The following TMEM64 variants were observed in gnomAD, a reference collection of about 807,000 sequenced individuals.
TMEM64 encodes the protein transmembrane protein 64.
TMEM64 carries 19 observed loss-of-function variants against 24.5 expected under a neutral mutation model. The observed-to-expected ratio is 0.78, with a 90% confidence interval of 0.54 to 1.14. TMEM64 has a LOEUF of 1.14. Ranked by LOEUF, TMEM64 falls within the 50% of genes most tolerant of loss-of-function variation. TMEM64 has a pLI of 0.00. For missense variants in TMEM64, 487 were observed against 493.0 expected (o/e 0.99, Z 0.12); for synonymous variants, 262 against 224.7 (o/e 1.17, Z -1.49).
intron 1 of TMEM64, among the ~76,000 whole-genome samples, chr8:90,636,509 C>T (rs1809520768): frequency 6.6e-6 from 1 of 152,218 alleles, no homozygotes; most frequent in South Asian, 2.1e-4. Context: ...CTGCGTCGGC[C>T]TCCCAAACTG....
At chr8:90,626,369 A>C (rs1034708961) in intron 2 of TMEM64, among the ~76,000 whole-genome samples, 2 of 152,268 alleles carry the variant, frequency 1.3e-5, no homozygotes, top group Admixed American at 1.3e-4. Context: ...ATGAAATGCC[A>C]ATAAACTTCC....
rs915391892 is a variant in TMEM64 at position 90,623,773 on chromosome 8, C to G, written c.*1898G>C. On this transcript the variant is annotated 3_prime_UTR_variant, in exon 3 of 3. Transcript: ENST00000458549. ...GTGAAGTGTAAAACAAGTATGAAAA[C>G]AGTGATCTTAAACAATGATTCCTTT... 1.3e-5 allele frequency: 2 copies of G among 152,142 alleles called. No individual in the cohort carries two copies. Among genetic ancestry groups the G allele is most frequent in the African/African-American group, 4.8e-5 (2 of 41,336 alleles). 9.4% of individuals were successfully genotyped at this position (152,142 alleles called of 1,614,324 possible).
At position 90,625,416 on chromosome 8, in the gene TMEM64, T is replaced by TA. The variant is rs1809341535; in HGVS notation, c.*254dup. ...CGTAAATACACAGAAATAAAACAAT[T>TA]AAAAAACACTAAAGTGCAGACCTAT... On this transcript the variant is annotated 3_prime_UTR_variant, in exon 3 of 3. Transcript: ENST00000458549. The TA allele has an allele frequency of 3.1e-6, 1 of 327,498 alleles. No homozygotes were observed. The highest frequency in any genetic ancestry group is 5.6e-6 in the Non-Finnish European group (1 of 179,886). 20.3% of individuals were successfully genotyped at this position (327,498 alleles called of 1,614,324 possible).
chr8:90,635,483 G>A (rs1809505464), intron 1 of TMEM64, among the ~76,000 whole-genome samples: 1 of 151,802 alleles, frequency 6.6e-6, no homozygotes, highest in East Asian at 1.9e-4. Context: ...TATTCATAAA[G>A]TTGGCAGTAC....
At position 90,645,821 on chromosome 8, in the gene TMEM64, C is replaced by T. The variant is rs968458771; in HGVS notation, c.85G>A (p.Ala29Thr). The T allele has an allele frequency of 1.3e-5, 14 of 1,058,010 alleles. No individual in the cohort carries two copies. Among genetic ancestry groups the T allele is most frequent in the African/African-American group, 1.7e-5 (1 of 58,570 alleles). The allele number at this position is 1,058,010 out of a possible 1,614,324, so 65.5% of individuals were successfully genotyped here. A position where few individuals can be genotyped will look rare whatever the true frequency, so the allele number is the denominator to read the frequency against. Residue 29 changes from alanine to threonine, a missense_variant, in exon 1 of 3, where the codon GCC (alanine) becomes ACC (threonine). Physicochemically the swap from Ala to Thr is moderately conservative, Grantham distance 58. This residue lies in a region of TMEM64 where 419 missense variants were observed against 407.5 expected (regional missense o/e 1.03). Transcript: ENST00000458549. This position sits in a 1 kb window ranked among gnomAD's most constrained non-coding sequence, Gnocchi z 4.2. Reference sequence around the variant, plus strand: ...GCACCCCGCGGCAGGGCCCAGCGGGCCGGCAGCTCGGCGAGGCCCGGGAGG... The same window carrying T: ...GCACCCCGCGGCAGGGCCCAGCGGGTCGGCAGCTCGGCGAGGCCCGGGAGG... ...AALPGLAELP[A>T]RWALPRGAGG...
In TMEM64 at chr8:90,625,579, T is replaced by C; in HGVS notation, c.*92A>G. On this transcript the variant is annotated 3_prime_UTR_variant, in exon 3 of 3. Coordinates refer to ENST00000458549, the MANE Select transcript of TMEM64 (RefSeq NM_001008495.4). ...CTAGTCAGTTTTGTTTGTGCTGTAA[T>C]ACAATTAGAACTTGTCTCTGCCCAC... is the stretch of plus-strand genomic sequence containing the variant. 9.4e-7 allele frequency: 1 copy of C among 1,062,930 alleles called. No individual in the cohort carries two copies. Among genetic ancestry groups the C allele is most frequent in the Non-Finnish European group, 1.3e-6 (1 of 744,168 alleles). The allele number at this position is 1,062,930 out of a possible 1,614,324, so 65.8% of individuals were successfully genotyped here. A position where few individuals can be genotyped will look rare whatever the true frequency, so the allele number is the denominator to read the frequency against.
rs1256120169 is a variant in TMEM64, at chr8:90,624,138, A to AC, written c.*1532_*1533insG. Reference sequence around the variant, plus strand: ...CTTTACTGTTACTCAAAGGTGAGAAAACTTACCCATTATAAAGGAAAGGAA... The same window carrying AC: ...CTTTACTGTTACTCAAAGGTGAGAAACACTTACCCATTATAAAGGAAAGGAA... On this transcript the variant is annotated 3_prime_UTR_variant, in exon 3 of 3. Transcript: ENST00000458549. 6.6e-6 allele frequency: 1 copy of AC among 152,044 alleles called. No individual in the cohort carries two copies. The allele number at this position is 152,044 out of a possible 1,614,324, so 9.4% of individuals were successfully genotyped here.
intron 1 of TMEM64, among the ~76,000 whole-genome samples, chr8:90,643,960 CAA>C (rs1318193701): frequency 6.6e-6 from 1 of 152,154 alleles, no homozygotes; most frequent in Non-Finnish European, 1.5e-5. Context: ...AATTTCATCA[CAA>C]AGAGGCAGAT....
chr8:90,625,526 A>G lies in TMEM64; in HGVS notation c.*145T>C. ...ATACCCAGAAAATGATTCTTGCTTT[A>G]AAAAAAAAAAATTGTGCAATTTAAA... On this transcript the variant is annotated 3_prime_UTR_variant, in exon 3 of 3. Coordinates refer to ENST00000458549, the MANE Select transcript of TMEM64 (RefSeq NM_001008495.4). The G allele has an allele frequency of 4.0e-6, 1 of 252,908 alleles. No individual in the cohort carries two copies. Among genetic ancestry groups the G allele is most frequent in the East Asian group, 9.4e-5 (1 of 10,670 alleles). 15.7% of individuals were successfully genotyped at this position (252,908 alleles called of 1,614,324 possible). A position where few individuals can be genotyped will look rare whatever the true frequency, so the allele number is the denominator to read the frequency against.
Position 90,631,646 on chromosome 8 carries a change from TG to T in TMEM64, c.856del (p.Gln286SerfsTer3). ...MASSVGLLPTQLLNSYLGTTL... is the reference protein window; with the variant it reads ...MASSVGLLPTXLLNSYLGTTL... ...GGTACCCAAGTAAGAATTCAGAAGC[TG>T]GGTAGGAAGCAGTCCAACCGAAGAT... is the stretch of plus-strand genomic sequence containing the variant. On this transcript the variant is annotated frameshift_variant, in exon 2 of 3. Coordinates refer to ENST00000458549, the MANE Select transcript of TMEM64 (RefSeq NM_001008495.4). LOFTEE classifies it high-confidence loss of function. The T allele has an allele frequency of 6.2e-7, 1 of 1,613,876 alleles. No individual in the cohort carries two copies. The highest frequency in any genetic ancestry group is 8.5e-7 in the Non-Finnish European group (1 of 1,179,810).
At chr8:90,644,412 C>T (rs1390075139) in intron 1 of TMEM64, among the ~76,000 whole-genome samples, 4 of 152,282 alleles carry the variant, frequency 2.6e-5, no homozygotes, top group Middle Eastern at 3.4e-3. Flanking sequence ...GTAAGCAAAA[C>T]ATATGAATAC....
At position 90,645,189 on chromosome 8, in the gene TMEM64, C is replaced by T. The variant is rs748518409; in HGVS notation, c.717G>A (p.Glu239=). The T allele has an allele frequency of 6.2e-7, 1 of 1,614,204 alleles. No homozygotes were observed. Among genetic ancestry groups the T allele is most frequent in the African/African-American group, 1.3e-5 (1 of 75,060 alleles). ...CCACCACTTTCAGGCCGCTTCCTCC[C>T]TCCACTACGCGAATAACCGCGCTCA... ...EKLSAVIRVV[E]GGSGLKVVAL... The change falls in exon 1 of 3, where the codon GAG becomes GAA. Residue 239 remains glutamate, a synonymous_variant. Coordinates refer to ENST00000458549, the MANE Select transcript of TMEM64 (RefSeq NM_001008495.4). The surrounding 1 kb of genome is among the most constrained non-coding windows in gnomAD (Gnocchi z 4.2).
rs534821983 is a variant in TMEM64 at position 90,624,499 on chromosome 8, TAATA to T, written c.*1168_*1171del. 90 of 152,636 alleles carry T rather than the reference TAATA, an allele frequency of 5.9e-4. No individual in the cohort carries two copies. The highest frequency in any genetic ancestry group is 2.1e-3 in the African/African-American group (86 of 41,574). 9.5% of individuals were successfully genotyped at this position (152,636 alleles called of 1,614,324 possible). Reference sequence around the variant, plus strand: ...TATATTCTATAGTCATAAGTGCTATTAATAAATACATTTGATTCATGCTACAAGA... The same window carrying T: ...TATATTCTATAGTCATAAGTGCTATTAATACATTTGATTCATGCTACAAGA... On this transcript the variant is annotated 3_prime_UTR_variant, in exon 3 of 3. Coordinates refer to ENST00000458549, the MANE Select transcript of TMEM64 (RefSeq NM_001008495.4).
chr8:90,641,882 A>G (rs1394618786), intron 1 of TMEM64, among the ~76,000 whole-genome samples: 1 of 152,206 alleles, frequency 6.6e-6, no homozygotes, highest in African/African-American at 2.4e-5. Flanking sequence ...CAAACTATAT[A>G]TTTTATCACA....
chr8:90,635,681 A>G (rs1307452122), intron 1 of TMEM64, among the ~76,000 whole-genome samples: 2 of 152,324 alleles, frequency 1.3e-5, no homozygotes, highest in Non-Finnish European at 1.5e-5. Context: ...TCTTCAATTT[A>G]GAGCACTTAC....
At chr8:90,642,316 C>G (rs1809616008) in intron 1 of TMEM64, among the ~76,000 whole-genome samples, 1 of 152,106 alleles carries the variant, frequency 6.6e-6, no homozygotes. Context: ...TTTCCAAAGC[C>G]TGGGCCTCAC....
At position 90,645,700 on chromosome 8, in the gene TMEM64, T is replaced by A; in HGVS notation, c.206A>T (p.Tyr69Phe). 2 of 1,409,546 alleles carry A rather than the reference T, an allele frequency of 1.4e-6. No individual in the cohort carries two copies. Among genetic ancestry groups the A allele is most frequent in the Non-Finnish European group, 1.8e-6 (2 of 1,089,116 alleles). The allele number at this position is 1,409,546 out of a possible 1,614,324, so 87.3% of individuals were successfully genotyped here. A position where few individuals can be genotyped will look rare whatever the true frequency, so the allele number is the denominator to read the frequency against. ...AAASGALLGA[Y>F]LERHGPPEAS... ...CTCGGGCGGACCGTGGCGCTCCAGA[T>A]AGGCGCCGAGCAGGGCGCCCGAGGC... is the stretch of plus-strand genomic sequence containing the variant. Residue 69 changes from tyrosine (Y) to phenylalanine (F), a missense_variant, in exon 1 of 3, where the codon TAT (tyrosine) becomes TTT (phenylalanine). Around this residue, in one of 3 missense-constraint regions of TMEM64, gnomAD observed 419 missense variants for 407.5 expected, o/e 1.03. Coordinates refer to ENST00000458549, the MANE Select transcript of TMEM64 (RefSeq NM_001008495.4). The surrounding 1 kb of genome is among the most constrained non-coding windows in gnomAD (Gnocchi z 4.2).
In TMEM64 at chr8:90,625,514, G is replaced by T; in HGVS notation, c.*157C>A. ...ATTTACACTTACATACCCAGAAAATGATTCTTGCTTTAAAAAAAAAAAATT... is the reference window on the plus strand; with the variant it reads ...ATTTACACTTACATACCCAGAAAATTATTCTTGCTTTAAAAAAAAAAAATT... On this transcript the variant is annotated 3_prime_UTR_variant, in exon 3 of 3. Coordinates refer to ENST00000458549, the MANE Select transcript of TMEM64 (RefSeq NM_001008495.4). 2 of 591,778 alleles carry T rather than the reference G, an allele frequency of 3.4e-6. No individual in the cohort carries two copies. Among genetic ancestry groups the T allele is most frequent in the Admixed American group, 6.3e-5 (2 of 31,956 alleles). 36.7% of individuals were successfully genotyped at this position (591,778 alleles called of 1,614,324 possible).
rs1445522536 is a variant in TMEM64 at position 90,622,189 on chromosome 8, T to C, written c.*3482A>G. The C allele has an allele frequency of 6.6e-6, 1 of 152,216 alleles. No individual in the cohort carries two copies. Among genetic ancestry groups the C allele is most frequent in the African/African-American group, 2.4e-5 (1 of 41,476 alleles). 9.4% of individuals were successfully genotyped at this position (152,216 alleles called of 1,614,324 possible). On this transcript the variant is annotated 3_prime_UTR_variant, in exon 3 of 3. Coordinates refer to ENST00000458549, the MANE Select transcript of TMEM64 (RefSeq NM_001008495.4). ...AGTTGTGGAATAAGTTAACAGTTTATGTTCAATATGTGAGGTTATTTGAAC... is the reference window on the plus strand; with the variant it reads ...AGTTGTGGAATAAGTTAACAGTTTACGTTCAATATGTGAGGTTATTTGAAC...
Sources: gnomAD v4.1 joint callset for allele counts (sites outside exome capture counted in the v4.1 genomes callset) on GRCh38, gnomAD v4.1.1 for gene constraint, gnomAD v4.1.1 regional missense constraint, Gnocchi (gnomAD v3.1) non-coding constraint, MANE v1.5 for transcripts, NCBI Gene and HGNC (gene_info 2026-07-23, HGNC 2026-07-21) for gene names.